The following KANSL1 variants were observed in gnomAD, a reference collection of about 807,000 sequenced individuals.
KANSL1 encodes the protein KAT8 regulatory NSL complex subunit 1.
KANSL1 carries 22 observed loss-of-function variants against 103.6 expected under a neutral mutation model. The observed-to-expected ratio is 0.21, with a 90% confidence interval of 0.15 to 0.30. The LOEUF (loss-of-function observed/expected upper bound fraction) is 0.30. Ranked by LOEUF, KANSL1 falls within the 10% of genes least tolerant of loss-of-function variation. The pLI is 1.00. For missense variants in KANSL1, 1,337 were observed against 1,399.8 expected, an observed-to-expected ratio of 0.96 and a Z score of 0.72; for synonymous variants, 600 against 527.6, an observed-to-expected ratio of 1.14 and a Z score of -1.88.
Position 46,182,471 on chromosome 17 carries a change from A to C in KANSL1, c.-89-10239T>G, listed in dbSNP as rs923769761. ...TGGAATACAATGGGGAAGGAGAGAC[A>C]AAATTTTTACTATAAAACAAAGAGA... On this transcript the variant is annotated intron_variant, in intron 1 of 14. Transcript: ENST00000432791. Among the ~76,000 whole-genome samples, 13 of 152,240 alleles carry C rather than the reference A, an allele frequency of 8.5e-5. 1 individual carries two copies. The East Asian group carries it at 2.5e-3, about 29-fold the overall frequency.
chr17:46,079,151 T>C (rs1434265043), intron 4 of KANSL1, among the ~76,000 whole-genome samples: 1 of 152,238 alleles, frequency 6.6e-6, no homozygotes, highest in East Asian at 1.9e-4. Flanking sequence ...TTCCTTGATT[T>C]GCTCCATGAC....
chr17:46,031,681 C>T lies in KANSL1; in HGVS notation c.3113G>A (p.Arg1038Gln). ...DEQSVQPWER[R>Q]TFPLAHSPQA... ...GGGACTGTGCGCCAGGGGGAAGGTC[C>T]GCCGCTCCCAGGGCTGGACAGACTG... The change falls in exon 15 of 15, where the codon CGG becomes CAG. Residue 1038 changes from arginine (R) to glutamine (Q), a missense_variant. By Grantham distance (43) the Arg-to-Gln change is conservative. Around this residue, in one of 2 missense-constraint regions of KANSL1, gnomAD observed 780 missense variants for 923.4 expected, o/e 0.84. Transcript: ENST00000432791. 1.9e-6 allele frequency: 3 copies of T among 1,609,054 alleles called. No homozygotes were observed. Among genetic ancestry groups the T allele is most frequent in the Non-Finnish European group, 1.7e-6 (2 of 1,176,072 alleles).
intron 1 of KANSL1, among the ~76,000 whole-genome samples, chr17:46,175,316 G>C (rs1302869810): frequency 2.9e-3 from 120 of 41,804 alleles, no homozygotes; most frequent in Non-Finnish European, 6.0e-3. Context: ...ATTGCTGTGT[G>C]TGTGTGTGTG....
chr17:46,216,567 C>T (rs1011486089), intron 1 of KANSL1, among the ~76,000 whole-genome samples: 9 of 147,868 alleles, frequency 6.1e-5, no homozygotes, highest in Non-Finnish European at 1.0e-4. Flanking sequence ...CCACTGCACT[C>T]CAGCCTGGGC....
At chr17:46,062,203 A>G (rs914395616) in intron 6 of KANSL1, among the ~76,000 whole-genome samples, 1 of 150,398 alleles carries the variant, frequency 6.6e-6, no homozygotes, top group Non-Finnish European at 1.5e-5. Flanking sequence ...TTTAAAACTT[A>G]TAGACTGAAA....
At chr17:46,107,707 T>C (rs1358492907) in intron 2 of KANSL1, among the ~76,000 whole-genome samples, 2 of 152,232 alleles carry the variant, frequency 1.3e-5, no homozygotes, top group East Asian at 1.9e-4. Flanking sequence ...TGTTTCTACC[T>C]GCCTACTCAA....
At chr17:46,194,193 C>G (rs1464208350), upstream of KANSL1, among the ~76,000 whole-genome samples, 1 of 152,370 alleles carries the variant, frequency 6.6e-6, no homozygotes, top group Admixed American at 6.5e-5. Flanking sequence ...CTGTAGTTTT[C>G]GTGAAGAAAC....
chr17:46,178,381 G>A (rs2147807806), intron 1 of KANSL1, among the ~76,000 whole-genome samples: 1 of 152,328 alleles, frequency 6.6e-6, no homozygotes, highest in South Asian at 2.1e-4. Flanking sequence ...GTAGAATTAG[G>A]GCTGAGATTA....
At position 46,031,150 on chromosome 17, in the gene KANSL1, T is replaced by G; in HGVS notation, c.*326A>C. The G allele has an allele frequency of 7.8e-6, 3 of 383,584 alleles. No homozygotes were observed. Among genetic ancestry groups the G allele is most frequent in the Non-Finnish European group, 9.7e-6 (2 of 207,118 alleles). The allele number at this position is 383,584 out of a possible 1,614,324, so 23.8% of individuals were successfully genotyped here. A position where few individuals can be genotyped will look rare whatever the true frequency, so the allele number is the denominator to read the frequency against. On this transcript the variant is annotated 3_prime_UTR_variant, in exon 15 of 15. Transcript: ENST00000432791. ...GGCTGTTCTGCCCTGCCCACAGGTG[T>G]GAGGGAGGGGGTGGTCATCTAAGAT...
At chr17:46,088,529 T>C (rs914824622) in intron 3 of KANSL1, 1 of 152,228 alleles carries the variant, frequency 6.6e-6, no homozygotes, top group Non-Finnish European at 1.5e-5. Context: ...CCACCTCCCA[T>C]CCTCAATAAC....
intron 3 of KANSL1, 197 bp downstream of exon 3, chr17:46,094,363 C>CT: frequency 1.5e-6 from 1 of 647,236 alleles, no homozygotes; most frequent in Non-Finnish European, 2.5e-6. Flanking sequence ...TCCCAAAGTG[C>CT]TGGGATCACA....
At chr17:46,061,809 T>C (rs997910825) in intron 6 of KANSL1, among the ~76,000 whole-genome samples, 2 of 152,092 alleles carry the variant, frequency 1.3e-5, no homozygotes, top group Non-Finnish European at 2.9e-5. Flanking sequence ...AGTTACAGAT[T>C]GGCCGGGCGC....
chr17:46,152,408 C>T (rs931698754), intron 2 of KANSL1, among the ~76,000 whole-genome samples: 2 of 152,194 alleles, frequency 1.3e-5, no homozygotes, highest in African/African-American at 4.8e-5. Context: ...CAACAGAATA[C>T]TTTTTGAAGA....
chr17:46,037,508 T>G (rs1474966822), intron 10 of KANSL1: 1 of 152,266 alleles, frequency 6.6e-6, no homozygotes, highest in African/African-American at 2.4e-5. Context: ...GCCTCTGCAA[T>G]ACCCTCACCC....
At chr17:46,185,692 T>TACACACACACACACACACAC (rs58833932) in intron 1 of KANSL1, among the ~76,000 whole-genome samples, 1 of 144,310 alleles carries the variant, frequency 6.9e-6, no homozygotes, top group African/African-American at 2.7e-5. Flanking sequence ...CACACATATA[T>TACACACACACACACACACAC]ACACACACAC....
intron 2 of KANSL1, among the ~76,000 whole-genome samples, chr17:46,118,817 T>C (rs1049819524): frequency 6.6e-6 from 1 of 152,194 alleles, no homozygotes; most frequent in African/African-American, 2.4e-5. Context: ...CTATCAGAGG[T>C]GGAAAACCAT....
intron 2 of KANSL1, among the ~76,000 whole-genome samples, chr17:46,152,401 C>G (rs917787619): frequency 2.0e-5 from 3 of 152,210 alleles, no homozygotes; most frequent in African/African-American, 7.2e-5. Context: ...AAGAAAACAA[C>G]AGAATACTTT....
intron 6 of KANSL1, among the ~76,000 whole-genome samples, chr17:46,061,520 T>C (rs1171023451): frequency 2.6e-5 from 4 of 152,070 alleles, no homozygotes; most frequent in Non-Finnish European, 4.4e-5. Flanking sequence ...CCTAAAGTGA[T>C]GAAACACACA....
chr17:46,206,078 T>TC lies in KANSL1; in HGVS notation c.-90+17592dup, dbSNP rs372520164. On this transcript the variant is annotated intron_variant, in intron 1 of 14. Coordinates refer to the KANSL1 transcript ENST00000572904. ...GCCTGGATGACAGAACAAGACTGTG[T>TC]CCCCCAAAAAAAAAAAAAAAAAAAA... is the stretch of plus-strand genomic sequence containing the variant. Among the ~76,000 whole-genome samples the TC allele has an allele frequency of 0.026, 2,797 of 109,156 alleles. 145 individuals are homozygous for TC. In the East Asian group the frequency reaches 0.29, roughly 11 times the overall value. 71.6% of individuals were successfully genotyped at this position (109,156 alleles called of 152,430 possible).
Sources: allele counts gnomAD v4.1 joint callset (sites outside exome capture counted in the v4.1 genomes callset), GRCh38; gene constraint gnomAD v4.1.1; regional missense constraint gnomAD v4.1.1; transcripts MANE v1.5; gene names NCBI Gene and HGNC (gene_info 2026-07-23, HGNC 2026-07-21).